Variants in SECISBP2 observed in about 807,000 individuals in gnomAD.
The protein encoded by SECISBP2 is SECIS binding protein 2.
In SECISBP2, 96 loss-of-function variants were observed where a neutral mutation model predicts 98.2. The ratio of observed to expected loss-of-function variants is 0.98; its 90% CI spans 0.83 to 1.16. The LOEUF (loss-of-function observed/expected upper bound fraction) is 1.16, where lower values mean the gene tolerates loss of function less well. Among genes scored for constraint, SECISBP2 ranks in the 50% most tolerant of loss-of-function variants. SECISBP2 has a pLI of 0.00. For missense variants in SECISBP2, 1,046 were observed against 1,022.9 expected (o/e 1.02, Z -0.31); for synonymous variants, 407 against 370.2 (o/e 1.10, Z -1.14).
intron 14 of SECISBP2, among the ~76,000 whole-genome samples, chr9:89,352,838 C>G (rs1831490605): frequency 6.7e-6 from 1 of 150,236 alleles, no homozygotes; most frequent in African/African-American, 2.5e-5. Context: ...TCTGAAGATT[C>G]CTTTTTTTTT....
intron 14 of SECISBP2, chr9:89,355,375 G>A (rs1831909211): frequency 1.0e-6 from 1 of 985,430 alleles, no homozygotes; most frequent in Non-Finnish European, 1.2e-6. Flanking sequence ...CCCTCCCAGG[G>A]TGGTGTGAGC....
chr9:89,338,311 T>G (rs1462792633), intron 7 of SECISBP2, 147 bp from the exon 8 acceptor site: 4 of 961,042 alleles, frequency 4.2e-6, no homozygotes, highest in Non-Finnish European at 6.2e-6. Context: ...GCTGGCTTTT[T>G]AAAAAACAGG....
intron 10 of SECISBP2, among the ~76,000 whole-genome samples, chr9:89,344,598 C>T (rs892785210): frequency 5.3e-5 from 8 of 152,088 alleles, no homozygotes; most frequent in South Asian, 2.1e-4. Context: ...TTGTCAACTT[C>T]GTCATTTGTT....
chr9:89,325,603 G>C lies in SECISBP2; in HGVS notation c.359G>C (p.Arg120Pro), dbSNP rs376067869. 9 of 1,614,098 alleles carry C rather than the reference G, an allele frequency of 5.6e-6. No homozygotes were observed. The highest frequency in any genetic ancestry group is 1.7e-5 in the Admixed American group (1 of 60,020). ...QYLYNQPSCY[R>P]GFQTVKHRNE... is the part of the protein sequence containing the mutation. ...CTTTATAACCAACCCAGTTGTTACC[G>C]AGGTTTTCAAACAGTGAAGCATCGA... Residue 120 changes from arginine to proline, a missense_variant, in exon 3 of 17, where the codon CGA (arginine) becomes CCA (proline). By Grantham distance (103) the Arg-to-Pro change is moderately radical. Coordinates refer to ENST00000375807, the MANE Select transcript of SECISBP2 (RefSeq NM_024077.5).
chr9:89,362,685 TG>T (rs1335733774), downstream of SECISBP2, among the ~76,000 whole-genome samples: 1 of 152,204 alleles, frequency 6.6e-6, no homozygotes, highest in Non-Finnish European at 1.5e-5. Flanking sequence ...AGAGGGAGCC[TG>T]TGTGTGCTGA....
intron 1 of SECISBP2, chr9:89,319,132 G>A (rs1029402826): frequency 2.6e-5 from 22 of 832,054 alleles, no homozygotes; most frequent in Non-Finnish European, 2.8e-5. Flanking sequence ...AATTTCAAAG[G>A]CTCGTGGTGA....
At chr9:89,350,473 T>G (rs1831113935) in intron 13 of SECISBP2, among the ~76,000 whole-genome samples, 159 bp from the exon 14 acceptor site, 1 of 152,222 alleles carries the variant, frequency 6.6e-6, no homozygotes, top group African/African-American at 2.4e-5. Flanking sequence ...TTCATAAAAT[T>G]AAATCATCAG....
At chr9:89,334,065 T>A in intron 6 of SECISBP2, 4 of 1,108,486 alleles carry the variant, frequency 3.6e-6, no homozygotes, top group Non-Finnish European at 4.4e-6. Context: ...GCTGTACTTA[T>A]GCCTCTGTTC....
downstream of SECISBP2, chr9:89,364,157 C>G: frequency 1.9e-6 from 2 of 1,031,600 alleles, no homozygotes; most frequent in Admixed American, 2.8e-5. Flanking sequence ...TGTGGACTTC[C>G]TGCTCTTTGA....
chr9:89,350,959 C>T (rs1032053588), intron 14 of SECISBP2, 107 bp downstream of exon 14: 22 of 914,348 alleles, frequency 2.4e-5, no homozygotes, highest in Middle Eastern at 2.3e-4. Flanking sequence ...GTCTTGACAA[C>T]TCGTTTTCTT....
intron 7 of SECISBP2, 68 bp downstream of exon 7, chr9:89,334,798 A>G (rs189217743): frequency 8.6e-7 from 1 of 1,165,968 alleles, no homozygotes; most frequent in African/African-American, 1.5e-5. Context: ...GGGAATGAGA[A>G]GTTATTTATT....
Position 89,325,642 on chromosome 9 carries a change from G to A in SECISBP2, c.398G>A (p.Cys133Tyr). The A allele has an allele frequency of 6.2e-7, 1 of 1,614,152 alleles. No individual in the cohort carries two copies. Among genetic ancestry groups the A allele is most frequent in the South Asian group, 1.1e-5 (1 of 91,074 alleles). ...GTGAAGCATCGAAATGAGAACACAT[G>A]CCCTCTCCCACAAGAAATGAAAGCT... ...QTVKHRNENT[C>Y]PLPQEMKALF... The change falls in exon 3 of 17, where the codon TGC becomes TAC. Residue 133 changes from cysteine (C) to tyrosine (Y), a missense_variant. Transcript: ENST00000375807.
Position 89,325,666 on chromosome 9 carries a change from C to T in SECISBP2, c.422C>T (p.Ala141Val), listed in dbSNP as rs62638730. 1.6e-3 allele frequency: 2,643 copies of T among 1,614,108 alleles called. 38 individuals are homozygous for T. The African/African-American group carries it at 0.032, about 20-fold the overall frequency. The stretch of plus-strand genomic sequence containing the variant: ...TGCCCTCTCCCACAAGAAATGAAAG[C>T]TCTGTTTAAGGTGAGTAGTGATGTT... ...NTCPLPQEMK[A>V]LFKKKTYDEK... The change falls in exon 3 of 17, where the codon GCT becomes GTT. Residue 141 changes from alanine to valine, a missense_variant. Coordinates refer to ENST00000375807, the MANE Select transcript of SECISBP2 (RefSeq NM_024077.5).
At chr9:89,334,412 A>G (rs373467535) in intron 6 of SECISBP2, 110 bp from the exon 7 acceptor site, 2 of 942,034 alleles carry the variant, frequency 2.1e-6, no homozygotes. Flanking sequence ...ATGATAGCCT[A>G]CATTTAATGA....
chr9:89,347,764 G>A (rs576459697), intron 11 of SECISBP2, among the ~76,000 whole-genome samples: 337 of 152,274 alleles, frequency 2.2e-3, no homozygotes, highest in African/African-American at 7.7e-3. Context: ...GAGCCATCAC[G>A]CCCAGCCTCC....
intron 11 of SECISBP2, among the ~76,000 whole-genome samples, chr9:89,347,668 G>A (rs966211835): frequency 6.6e-6 from 1 of 151,926 alleles, no homozygotes; most frequent in Non-Finnish European, 1.5e-5. Flanking sequence ...TAGTAGAGAC[G>A]AGGTCTCATC....
chr9:89,337,639 G>T lies in SECISBP2; in HGVS notation c.1090-819G>T, dbSNP rs559539487. Among the ~76,000 whole-genome samples the T allele has an allele frequency of 2.0e-5, 3 of 152,240 alleles. No homozygotes were observed. In the South Asian group the frequency reaches 6.2e-4, roughly 32 times the overall value. Reference sequence around the variant, plus strand: ...AAAAACATCATGGACAGCTCCTGTGGGTCAGTAGATAAGCATATTCTTTTT... The same window carrying T: ...AAAAACATCATGGACAGCTCCTGTGTGTCAGTAGATAAGCATATTCTTTTT... On this transcript the variant is annotated intron_variant, in intron 7 of 16. Coordinates refer to ENST00000375807, the MANE Select transcript of SECISBP2 (RefSeq NM_024077.5).
chr9:89,328,809 TG>T lies in SECISBP2; in HGVS notation c.728del (p.Gly243AspfsTer13). The stretch of plus-strand genomic sequence containing the variant: ...GTCAGAGATACAGAAGCAACCCAAG[TG>T]GGGACCTGTCCACTCTGTCTCTACC... ...NMSEIQKQPK[W>X]GPVHSVSTDI... On this transcript the variant is annotated frameshift_variant, in exon 5 of 17. Coordinates refer to ENST00000375807, the MANE Select transcript of SECISBP2 (RefSeq NM_024077.5). LOFTEE classifies it high-confidence loss of function. 1 of 1,614,224 alleles carries T rather than the reference TG, an allele frequency of 6.2e-7. No individual in the cohort carries two copies. Among genetic ancestry groups the T allele is most frequent in the Non-Finnish European group, 8.5e-7 (1 of 1,180,034 alleles).
At chr9:89,357,948 C>G in intron 15 of SECISBP2, 51 bp from the exon 16 acceptor site, 1 of 1,597,022 alleles carries the variant, frequency 6.3e-7, no homozygotes, top group South Asian at 1.1e-5. Flanking sequence ...TTGAGGGACC[C>G]GTGTCCTCTG....
Sources: allele counts gnomAD v4.1 joint callset (sites outside exome capture counted in the v4.1 genomes callset), GRCh38; gene constraint gnomAD v4.1.1; transcripts MANE v1.5; gene names NCBI Gene and HGNC (gene_info 2026-07-23, HGNC 2026-07-21).